Variants in NELL2 observed in about 807,000 individuals in gnomAD.
The protein encoded by NELL2 is protein kinase C-binding protein NELL2.
NELL2 carries 41 observed loss-of-function variants against 109.6 expected under a neutral mutation model. The ratio of observed to expected loss-of-function variants is 0.37; its 90% CI spans 0.29 to 0.49. NELL2 has a LOEUF of 0.49. Among genes scored for constraint, NELL2 ranks in the 20% least tolerant of loss-of-function variants. NELL2 has a pLI of 0.98. For synonymous variants in NELL2, 355 were observed against 344.7 expected, an observed-to-expected ratio of 1.03 and a Z score of -0.33; for missense variants, 900 against 1,008.3, an observed-to-expected ratio of 0.89 and a Z score of 1.45.
intron 12 of NELL2, among the ~76,000 whole-genome samples, chr12:44,681,004 T>C (rs980595244): frequency 6.6e-6 from 1 of 152,044 alleles, no homozygotes; most frequent in Admixed American, 6.6e-5. Flanking sequence ...ATTTTCTTTG[T>C]GCAATTCTTT....
At chr12:44,588,823 A>C (rs1016073948) in intron 15 of NELL2, among the ~76,000 whole-genome samples, 1 of 152,302 alleles carries the variant, frequency 6.6e-6, no homozygotes, top group South Asian at 2.1e-4. Context: ...TCATCACCCT[A>C]AACAGGAACT....
chr12:44,598,530 T>G (rs1945061326), intron 15 of NELL2, among the ~76,000 whole-genome samples: 2 of 152,184 alleles, frequency 1.3e-5, no homozygotes, highest in Non-Finnish European at 2.9e-5. Flanking sequence ...TTCATCACTC[T>G]TAGGAGTCAT....
chr12:44,779,389 C>T (rs1941870058), intron 5 of NELL2, among the ~76,000 whole-genome samples: 1 of 152,078 alleles, frequency 6.6e-6, no homozygotes, highest in East Asian at 1.9e-4. Flanking sequence ...ATTTTTATTG[C>T]TTTGAAAGGT....
At chr12:44,776,929 A>C in intron 7 of NELL2, 113 bp downstream of exon 7, 1 of 856,318 alleles carries the variant, frequency 1.2e-6, no homozygotes, top group South Asian at 1.5e-5. Flanking sequence ...AGTCCTAGCA[A>C]ACAGTATAGT....
intron 13 of NELL2, among the ~76,000 whole-genome samples, chr12:44,620,848 C>T (rs1946032105): frequency 6.6e-6 from 1 of 152,156 alleles, no homozygotes; most frequent in Non-Finnish European, 1.5e-5. Context: ...ATAATGACAA[C>T]ACTGTCTCCA....
upstream of NELL2, among the ~76,000 whole-genome samples, chr12:44,877,789 C>G (rs1445582620): frequency 6.6e-6 from 1 of 152,046 alleles, no homozygotes; most frequent in Non-Finnish European, 1.5e-5. Context: ...CCATTTAATT[C>G]TATTTGTAAC....
At chr12:44,630,089 G>A (rs764304466) in intron 13 of NELL2, among the ~76,000 whole-genome samples, 30 of 152,044 alleles carry the variant, frequency 2.0e-4, no homozygotes, top group Non-Finnish European at 2.6e-4. Context: ...ACATTCTACC[G>A]CTTTGAAGAT....
At chr12:44,827,409 C>CTTT (rs1943747119) in intron 2 of NELL2, among the ~76,000 whole-genome samples, 4 of 84,770 alleles carry the variant, frequency 4.7e-5, no homozygotes, top group African/African-American at 1.4e-4. Context: ...CTTCTTCTAA[C>CTTT]TGTTTTTTTT....
At chr12:44,855,743 C>T (rs77921055) in intron 2 of NELL2, among the ~76,000 whole-genome samples, 1,614 of 152,274 alleles carry the variant, frequency 0.011, 32 homozygotes, top group East Asian at 0.049. Context: ...AAAATTTAAA[C>T]TCTCATCATC....
chr12:44,720,830 A>G (rs140753451), intron 9 of NELL2, among the ~76,000 whole-genome samples: 3 of 152,124 alleles, frequency 2.0e-5, no homozygotes, highest in Non-Finnish European at 4.4e-5. Flanking sequence ...TAGTTATGCA[A>G]CCTCCCTTTT....
upstream of NELL2, among the ~76,000 whole-genome samples, chr12:44,918,517 A>ATGTGTG (rs10589306): frequency 0.01 from 1,287 of 123,850 alleles, 19 homozygotes; most frequent in African/African-American, 0.027. Context: ...GCATGCATGT[A>ATGTGTG]TGTGTGTGTG....
At chr12:44,742,284 G>T (rs771239072) in intron 9 of NELL2, among the ~76,000 whole-genome samples, 11 of 152,160 alleles carry the variant, frequency 7.2e-5, no homozygotes, top group Non-Finnish European at 1.5e-4. Context: ...AAACAGAAAG[G>T]ACATCCACAC....
intron 13 of NELL2, among the ~76,000 whole-genome samples, chr12:44,652,308 T>C (rs1226909906): frequency 2.0e-5 from 3 of 152,216 alleles, no homozygotes; most frequent in Admixed American, 2.0e-4. Flanking sequence ...ATGAGACATG[T>C]GCTATACATT....
upstream of NELL2, among the ~76,000 whole-genome samples, chr12:44,878,842 C>G (rs527384291): frequency 6.6e-6 from 1 of 152,188 alleles, no homozygotes; most frequent in Non-Finnish European, 1.5e-5. Flanking sequence ...TTGTTGTAGG[C>G]ATAATAATAT....
At chr12:44,872,945 G>A (rs773825571) in intron 2 of NELL2, among the ~76,000 whole-genome samples, 5 of 152,066 alleles carry the variant, frequency 3.3e-5, no homozygotes, top group Non-Finnish European at 7.4e-5. Flanking sequence ...AGCAAGACTC[G>A]GAACTGACTT....
intron 15 of NELL2, among the ~76,000 whole-genome samples, chr12:44,559,784 C>T (rs1018585718): frequency 1.3e-5 from 2 of 152,028 alleles, no homozygotes; most frequent in East Asian, 3.9e-4. Flanking sequence ...ACAGAAAATT[C>T]ACAAGGATAT....
At chr12:44,656,455 A>G (rs760943107) in intron 13 of NELL2, among the ~76,000 whole-genome samples, 8 of 152,246 alleles carry the variant, frequency 5.3e-5, no homozygotes, top group Non-Finnish European at 8.8e-5. Context: ...AAAAGTGCCC[A>G]GTTGAAAGGG....
intron 16 of NELL2, among the ~76,000 whole-genome samples, chr12:44,532,292 T>A (rs1942101432): frequency 6.6e-6 from 1 of 152,146 alleles, no homozygotes. Flanking sequence ...GCTTTCGTTT[T>A]AAAAAATTTA....
rs1341237375 is a variant in NELL2 at position 44,666,331 on chromosome 12, A to C, written c.1319-722T>G. On this transcript the variant is annotated intron_variant, in intron 12 of 19. Transcript: ENST00000429094. ...GTGAATTTTCACATTCACATTTCAC[A>C]ATGAAACTGTCCTCATTTAATAGCA... Among the ~76,000 whole-genome samples the C allele has an allele frequency of 6.6e-5, 10 of 152,332 alleles. No individual in the cohort carries two copies. The East Asian group carries it at 1.5e-3, about 24-fold the overall frequency.
Sources: gnomAD v4.1 joint callset for allele counts (sites outside exome capture counted in the v4.1 genomes callset) on GRCh38, gnomAD v4.1.1 for gene constraint, MANE v1.5 for transcripts, NCBI Gene and HGNC (gene_info 2026-07-23, HGNC 2026-07-21) for gene names.